LARP4: variants seen among roughly 807,000 people sequenced by gnomAD.
The protein encoded by LARP4 is La ribonucleoprotein 4.
In LARP4, 29 loss-of-function variants were observed where a neutral mutation model predicts 92.9. The ratio of observed to expected loss-of-function variants is 0.31; its 90% CI spans 0.23 to 0.43. The LOEUF is 0.43. Among genes scored for constraint, LARP4 ranks in the 20% least tolerant of loss-of-function variants. The pLI is 1.00. For missense variants in LARP4, 732 were observed against 860.0 expected (o/e 0.85, Z 1.86); for synonymous variants, 279 against 284.1 (o/e 0.98, Z 0.18).
chr12:50,436,451 C>T (rs1315261105), intron 5 of LARP4, among the ~76,000 whole-genome samples: 1 of 152,102 alleles, frequency 6.6e-6, no homozygotes, highest in Non-Finnish European at 1.5e-5. Flanking sequence ...AAGACAATCT[C>T]TTTCAAGTTT....
Position 50,427,768 on chromosome 12 carries a change from G to A in LARP4, c.25G>A (p.Ala9Thr), listed in dbSNP as rs146142861. The change falls in exon 2 of 16, where the codon GCA becomes ACA. Residue 9 changes from alanine to threonine, a missense_variant. This residue lies in a region of LARP4 where 236 missense variants were observed against 307.6 expected (regional missense o/e 0.77). Transcript: ENST00000398473. ...AGATCCTTCGATTATTTAGCAGGTA[G>A]CATCTAAAGGAACTGGTTTAAATCC... is the stretch of plus-strand genomic sequence containing the variant. MLLFVEQVASKGTGLNPNA... is the reference protein window; with the variant it reads MLLFVEQVTSKGTGLNPNA... 2 of 1,533,836 alleles carry A rather than the reference G, an allele frequency of 1.3e-6. No homozygotes were observed. Among genetic ancestry groups the A allele is most frequent in the Non-Finnish European group, 1.8e-6 (2 of 1,131,072 alleles).
chr12:50,436,174 GTATATA>G (rs10599634), intron 5 of LARP4, among the ~76,000 whole-genome samples: 1 of 136,612 alleles, frequency 7.3e-6, no homozygotes, highest in African/African-American at 2.8e-5. Context: ...GTGTGTGTAT[GTATATA>G]TATATATATA....
At chr12:50,415,163 A>G (rs1355926369) in intron 1 of LARP4, among the ~76,000 whole-genome samples, 4 of 152,198 alleles carry the variant, frequency 2.6e-5, no homozygotes, top group African/African-American at 7.2e-5. Context: ...AGATCGTGCC[A>G]TTGCATTACC....
chr12:50,469,329 G>A (rs548361522), intron 13 of LARP4, among the ~76,000 whole-genome samples: 1 of 152,254 alleles, frequency 6.6e-6, no homozygotes, highest in Admixed American at 6.5e-5. Context: ...TGTAGGCCAG[G>A]TGCGGTGGCT....
intron 9 of LARP4, 35 bp downstream of exon 9, chr12:50,453,707 T>C: frequency 7.4e-7 from 1 of 1,342,462 alleles, no homozygotes; most frequent in Non-Finnish European, 1.0e-6. Flanking sequence ...TATAATAATA[T>C]TTTTAATTTG....
At chr12:50,445,041 G>A (rs181640625) in intron 8 of LARP4, among the ~76,000 whole-genome samples, 3 of 138,622 alleles carry the variant, frequency 2.2e-5, no homozygotes, top group African/African-American at 5.5e-5. Context: ...GCAACTACAG[G>A]TGCATGCCAC....
At chr12:50,426,226 G>A (rs1948685628) in intron 1 of LARP4, among the ~76,000 whole-genome samples, 1 of 152,142 alleles carries the variant, frequency 6.6e-6, no homozygotes, top group African/African-American at 2.4e-5. Context: ...GGCACACTAG[G>A]GTGGGCTTGC....
chr12:50,467,181 T>G, intron 13 of LARP4, 61 bp downstream of exon 13: 2 of 1,370,818 alleles, frequency 1.5e-6, no homozygotes, highest in Admixed American at 2.1e-5. Context: ...ATTTGCAGTG[T>G]TGTTATTTAA....
At chr12:50,437,938 A>G (rs1950673537) in intron 6 of LARP4, 100 bp downstream of exon 6, 1 of 679,154 alleles carries the variant, frequency 1.5e-6, no homozygotes, top group Non-Finnish European at 2.5e-6. Flanking sequence ...GAAGAGGTAC[A>G]CAAGCAAAGC....
At chr12:50,451,851 A>G (rs1361650251) in intron 8 of LARP4, among the ~76,000 whole-genome samples, 3 of 151,902 alleles carry the variant, frequency 2.0e-5, no homozygotes, top group Non-Finnish European at 2.9e-5. Flanking sequence ...AAAAAATACA[A>G]AAATCAGCCG....
chr12:50,462,698 G>T (rs1955601540), intron 12 of LARP4, 68 bp downstream of exon 12: 2 of 1,061,722 alleles, frequency 1.9e-6, no homozygotes, highest in Non-Finnish European at 1.4e-6. Context: ...TTGACTTTCG[G>T]TCTTTCCTTT....
chr12:50,440,808 A>G (rs1166922972), intron 7 of LARP4, among the ~76,000 whole-genome samples: 1 of 152,104 alleles, frequency 6.6e-6, no homozygotes, highest in Non-Finnish European at 1.5e-5. Context: ...ATCGAGAACC[A>G]TGTACCTAGT....
In LARP4 at chr12:50,474,093, A is replaced by G. The variant is rs376999643; in HGVS notation, c.1762A>G (p.Thr588Ala). Residue 588 changes from threonine (T) to alanine (A), a missense_variant, in exon 15 of 16, where the codon ACA becomes GCA. Thr to Ala is a moderately conservative substitution (Grantham distance 58, BLOSUM62 0). This residue lies in a region of LARP4 where 97 missense variants were observed against 85.9 expected (regional missense o/e 1.13). Coordinates refer to ENST00000398473, the MANE Select transcript of LARP4 (RefSeq NM_052879.5). ...TATACCAGTTTCTCCTCCAAGTACT[A>G]CAAAGCCATCGAGGGCAAGTACTGC... ...TTIPVSPPSTTKPSRASTASP... is the reference protein window; with the variant it reads ...TTIPVSPPSTAKPSRASTASP... The G allele has an allele frequency of 3.7e-6, 6 of 1,613,042 alleles. No homozygotes were observed. The highest frequency in any genetic ancestry group is 2.2e-5 in the South Asian group (2 of 91,046).
intron 4 of LARP4, among the ~76,000 whole-genome samples, chr12:50,433,039 C>G (rs1167717873): frequency 6.6e-6 from 1 of 151,920 alleles, no homozygotes; most frequent in African/African-American, 2.4e-5. Flanking sequence ...TGGGGAAAAT[C>G]AGCTGTATTG....
intron 1 of LARP4, among the ~76,000 whole-genome samples, chr12:50,408,680 G>A (rs568912616): frequency 6.6e-6 from 1 of 152,270 alleles, no homozygotes; most frequent in East Asian, 1.9e-4. Context: ...TTCTGTGACA[G>A]ATGTTTTACC....
In LARP4 at chr12:50,401,126, G is replaced by T. The variant is rs142955059; in HGVS notation, c.18+98G>T. 1.5e-4 allele frequency: 211 copies of T among 1,411,564 alleles called. No homozygotes were observed. The African/African-American group carries it at 2.6e-3, about 17-fold the overall frequency. The allele number at this position is 1,411,564 out of a possible 1,614,324, so 87.4% of individuals were successfully genotyped here. ...CCATGTGACTTTCCGGGCCGTACAC[G>T]CCGCGGAACCGGCAGATAGGCTGAC... On this transcript the variant is annotated intron_variant, in intron 1 of 15. Coordinates refer to ENST00000398473, the MANE Select transcript of LARP4 (RefSeq NM_052879.5).
At chr12:50,470,258 T>C (rs1301794041) in intron 13 of LARP4, among the ~76,000 whole-genome samples, 1 of 152,108 alleles carries the variant, frequency 6.6e-6, no homozygotes, top group African/African-American at 2.4e-5. Context: ...GAAGCTATTT[T>C]AGTTTAAGTG....
intron 1 of LARP4, among the ~76,000 whole-genome samples, chr12:50,407,861 C>A (rs746805381): frequency 6.6e-6 from 1 of 151,996 alleles, no homozygotes; most frequent in African/African-American, 2.4e-5. Flanking sequence ...TGTTAAAATG[C>A]AAATAGGCAC....
chr12:50,441,566 G>GT (rs768805009), intron 7 of LARP4, 24 bp from the exon 8 acceptor site: 145 of 1,542,020 alleles, frequency 9.4e-5, no homozygotes, highest in Admixed American at 2.4e-4. Context: ...GCTAATGAAA[G>GT]TTTTTTTTGT....
Sources: allele counts gnomAD v4.1 joint callset (sites outside exome capture counted in the v4.1 genomes callset), GRCh38; gene constraint gnomAD v4.1.1; regional missense constraint gnomAD v4.1.1; transcripts MANE v1.5; gene names NCBI Gene and HGNC (gene_info 2026-07-23, HGNC 2026-07-21).